Variants in ABCB9 observed in about 807,000 individuals in gnomAD.
ABCB9 encodes the protein ABC-type oligopeptide transporter ABCB9.
A neutral mutation model predicts 62.0 loss-of-function variants in ABCB9; 36 were observed. The observed-to-expected ratio is 0.58, with a 90% confidence interval of 0.45 to 0.77. The LOEUF is 0.77. Among genes scored for constraint, ABCB9 ranks in the 30% least tolerant of loss-of-function variants. The pLI is 0.00. For missense variants in ABCB9, 943 were observed against 1,054.7 expected (o/e 0.89, Z 1.47); for synonymous variants, 435 against 461.4 (o/e 0.94, Z 0.73).
chr12:122,974,047 T>C (rs1294140904), intron 1 of ABCB9, among the ~76,000 whole-genome samples: 2 of 150,658 alleles, frequency 1.3e-5, no homozygotes, highest in African/African-American at 4.9e-5. Flanking sequence ...AAAAAGTAAA[T>C]AAACAAATAA....
intron 2 of ABCB9, among the ~76,000 whole-genome samples, chr12:122,953,913 T>C (rs1160455691): frequency 6.6e-6 from 1 of 152,216 alleles, no homozygotes; most frequent in Non-Finnish European, 1.5e-5. Flanking sequence ...CTTCCATTTG[T>C]GGAAATGTAT....
chr12:122,959,864 G>A lies in ABCB9; in HGVS notation c.372C>T (p.Tyr124=). The A allele has an allele frequency of 1.9e-6, 3 of 1,613,494 alleles. No homozygotes were observed. The highest frequency in any genetic ancestry group is 2.5e-6 in the Non-Finnish European group (3 of 1,179,874). ...PWFWALFVWT[Y]ISLGASFLLW... is the part of the protein sequence containing the mutation. ...GCAGGAAGGATGCGCCGAGTGAAAT[G>A]TACGTCCACACGAACAGGGCCCAAA... Residue 124 remains tyrosine, a synonymous_variant, in exon 2 of 12, where the codon TAC becomes TAT. Coordinates refer to ENST00000280560, the MANE Select transcript of ABCB9 (RefSeq NM_019625.4). The surrounding 1 kb of genome is among the most constrained non-coding windows in gnomAD (Gnocchi z 5.4).
chr12:122,971,226 T>C (rs2135942502), upstream of ABCB9, among the ~76,000 whole-genome samples: 1 of 151,122 alleles, frequency 6.6e-6, no homozygotes, highest in Non-Finnish European at 1.5e-5. Flanking sequence ...CTACCAAAAA[T>C]ATAAAAAAAA....
rs777082505 is a variant in ABCB9 at position 122,940,196 on chromosome 12, T to G, written c.1658A>C (p.Glu553Ala). 1.2e-6 allele frequency: 2 copies of G among 1,613,564 alleles called. No individual in the cohort carries two copies. The highest frequency in any genetic ancestry group is 3.3e-5 in the Admixed American group (2 of 59,926). ...SGKSSCVNIL[E>A]NFYPLEGGRV... Reference sequence around the variant, plus strand: ...GCCCCCCTCCAGGGGGTAGAAGTTCTCCAGGATGTTGACACAGGAGCTCTT... The same window carrying G: ...GCCCCCCTCCAGGGGGTAGAAGTTCGCCAGGATGTTGACACAGGAGCTCTT... Residue 553 changes from glutamate to alanine, a missense_variant, in exon 9 of 12, where the codon GAG becomes GCG. Glu to Ala is a moderately radical substitution (Grantham distance 107). Coordinates refer to ENST00000280560, the MANE Select transcript of ABCB9 (RefSeq NM_019625.4). This position sits in a 1 kb window ranked among gnomAD's most constrained non-coding sequence, Gnocchi z 4.8.
chr12:122,953,410 T>C (rs985746603), intron 2 of ABCB9, among the ~76,000 whole-genome samples: 3 of 152,034 alleles, frequency 2.0e-5, no homozygotes, highest in African/African-American at 7.2e-5. Context: ...TATTTTGAGA[T>C]GGAGTCGCAC....
At chr12:122,924,760 T>C, downstream of ABCB9, 1 of 1,534,464 alleles carries the variant, frequency 6.5e-7, no homozygotes. Flanking sequence ...CCAACTGTGC[T>C]GTTCCCAAAG....
At chr12:122,972,946 G>A (rs535097895) in intron 1 of ABCB9, 2 of 152,284 alleles carry the variant, frequency 1.3e-5, no homozygotes, top group Admixed American at 6.5e-5. Flanking sequence ...ATTCTGGAGC[G>A]TTCTAATTCT....
At chr12:122,973,342 A>C (rs892613080) in intron 1 of ABCB9, 3 of 151,902 alleles carry the variant, frequency 2.0e-5, no homozygotes, top group Non-Finnish European at 2.9e-5. Context: ...AGGCGGGTGG[A>C]TCATGAGGTC....
intron 2 of ABCB9, 72 bp from the exon 3 acceptor site, chr12:122,950,637 G>A: frequency 8.0e-7 from 1 of 1,245,088 alleles, no homozygotes; most frequent in South Asian, 1.3e-5. Flanking sequence ...TGAGGCTCCA[G>A]AAGTCCACAC....
At position 122,930,356 on chromosome 12, in the gene ABCB9, A is replaced by C. The variant is rs997718541; in HGVS notation, c.2041-185T>G. ...CCAGACACAATGAGGCACCTGGTGAATGGGGGATCAGCTCTACCCTGGCCC... is the reference window on the plus strand; with the variant it reads ...CCAGACACAATGAGGCACCTGGTGACTGGGGGATCAGCTCTACCCTGGCCC... On this transcript the variant is annotated intron_variant, in intron 11 of 11. Transcript: ENST00000280560. This position sits in a 1 kb window ranked among gnomAD's most constrained non-coding sequence, Gnocchi z 4.9. Among the ~76,000 whole-genome samples, 1 of 151,508 alleles carries C rather than the reference A, an allele frequency of 6.6e-6. No individual in the cohort carries two copies. Among genetic ancestry groups the C allele is most frequent in the Admixed American group, 6.6e-5 (1 of 15,202 alleles).
intron 1 of ABCB9, among the ~76,000 whole-genome samples, chr12:122,963,233 G>A (rs936111551): frequency 6.6e-6 from 1 of 152,224 alleles, no homozygotes; most frequent in African/African-American, 2.4e-5. Flanking sequence ...GGGAGGTGGA[G>A]GTTGCGGTGA....
At chr12:122,945,368 G>GC (rs1169435208) in intron 6 of ABCB9, among the ~76,000 whole-genome samples, 1 of 152,062 alleles carries the variant, frequency 6.6e-6, no homozygotes, top group Non-Finnish European at 1.5e-5. Context: ...TGATCCAAGT[G>GC]CTCCCCATCC....
chr12:122,941,972 G>A (rs1017897284), intron 7 of ABCB9, among the ~76,000 whole-genome samples: 5 of 151,820 alleles, frequency 3.3e-5, no homozygotes, highest in African/African-American at 1.2e-4. Context: ...CAAGGAATCC[G>A]CCTGCCTCAG....
At chr12:122,968,636 C>CTTTTTT (rs541028634), upstream of ABCB9, among the ~76,000 whole-genome samples, 1 of 88,826 alleles carries the variant, frequency 1.1e-5, no homozygotes, top group African/African-American at 3.9e-5. Context: ...TCCTCTGTAC[C>CTTTTTT]TTTTTTTTTT....
chr12:122,929,219 G>A lies in ABCB9; in HGVS notation c.*692C>T, dbSNP rs568537091. 1.8e-5 allele frequency: 18 copies of A among 986,196 alleles called. No individual in the cohort carries two copies. Among genetic ancestry groups the A allele is most frequent in the Middle Eastern group, 5.2e-4 (1 of 1,914 alleles). The allele number at this position is 986,196 out of a possible 1,614,324, so 61.1% of individuals were successfully genotyped here. The stretch of plus-strand genomic sequence containing the variant: ...ACGAGGGGCGAAAGCGCTGGGTGCC[G>A]GGCTGGGGGCACCCCTGAGGCCCCT... On this transcript the variant is annotated 3_prime_UTR_variant, in exon 12 of 12. Coordinates refer to ENST00000280560, the MANE Select transcript of ABCB9 (RefSeq NM_019625.4). The surrounding 1 kb of genome is among the most constrained non-coding windows in gnomAD (Gnocchi z 6.0).
chr12:122,969,133 G>A (rs545875213), upstream of ABCB9, among the ~76,000 whole-genome samples: 1 of 151,626 alleles, frequency 6.6e-6, no homozygotes, highest in East Asian at 2.0e-4. Context: ...TGAGGCACAG[G>A]TGAGTGGGCC....
chr12:122,953,979 T>G (rs2135883118), intron 2 of ABCB9, among the ~76,000 whole-genome samples: 1 of 152,306 alleles, frequency 6.6e-6, no homozygotes, highest in East Asian at 1.9e-4. Context: ...TTGCCCAAGT[T>G]TATACATTTG....
upstream of ABCB9, among the ~76,000 whole-genome samples, chr12:122,969,186 C>G (rs11061081): frequency 6.7e-6 from 1 of 149,498 alleles, no homozygotes; most frequent in African/African-American, 2.5e-5. Context: ...CCCCCCCCCC[C>G]CCCCGGCTGC....
downstream of ABCB9, among the ~76,000 whole-genome samples, chr12:122,928,319 A>G (rs912342361): frequency 6.6e-6 from 1 of 152,010 alleles, no homozygotes; most frequent in African/African-American, 2.4e-5. Context: ...AAATACAAAA[A>G]TGAGCCGGGT....
Sources: allele counts gnomAD v4.1 joint callset (sites outside exome capture counted in the v4.1 genomes callset), GRCh38; gene constraint gnomAD v4.1.1; non-coding constraint Gnocchi (gnomAD v3.1); transcripts MANE v1.5; gene names NCBI Gene and HGNC (gene_info 2026-07-23, HGNC 2026-07-21).